The following MAML1 variants were observed in gnomAD, a reference collection of about 807,000 sequenced individuals.
The protein encoded by MAML1 is mastermind-like protein 1.
In MAML1, 14 loss-of-function variants were observed where a neutral mutation model predicts 77.1. The ratio of observed to expected loss-of-function variants is 0.18; its 90% confidence interval spans 0.12 to 0.28. The LOEUF is 0.28. MAML1 is among the 10% of genes least tolerant of loss of function. The pLI is 1.00. For missense variants in MAML1, 1,217 were observed against 1,327.8 expected (o/e 0.92, Z 1.30); for synonymous variants, 516 against 551.9 (o/e 0.93, Z 0.91).
rs369971517 is a variant in MAML1, at chr5:179,764,108, C to T, written c.316-1218C>T. On this transcript the variant is annotated intron_variant, in intron 1 of 4. Transcript: ENST00000292599. ...TTCTGACATGTTCTTATCTTGAAATCGCCGCCCCTGAACTCCCAGGGTACT... is the reference window on the plus strand; with the variant it reads ...TTCTGACATGTTCTTATCTTGAAATTGCCGCCCCTGAACTCCCAGGGTACT... Among the ~76,000 whole-genome samples the T allele has an allele frequency of 7.2e-5, 11 of 152,152 alleles. No homozygotes were observed. In the South Asian group the frequency reaches 2.1e-3, roughly 29 times the overall value.
chr5:179,770,962 T>G, intron 3 of MAML1, 185 bp from the exon 4 acceptor site: 1 of 538,536 alleles, frequency 1.9e-6, no homozygotes, highest in South Asian at 2.2e-5. Flanking sequence ...TTTAAAAAAG[T>G]CATTGCTCCC....
intron 1 of MAML1, among the ~76,000 whole-genome samples, chr5:179,747,454 A>G (rs1005880976): frequency 6.6e-6 from 1 of 152,202 alleles, no homozygotes; most frequent in Non-Finnish European, 1.5e-5. Context: ...AATGTCCATC[A>G]CAGATGAATG....
intron 1 of MAML1, among the ~76,000 whole-genome samples, chr5:179,742,864 G>A (rs1581925188): frequency 6.6e-6 from 1 of 152,092 alleles, no homozygotes; most frequent in Admixed American, 6.6e-5. Context: ...ATGAAGACAT[G>A]AGCTCTTATC....
intron 4 of MAML1, among the ~76,000 whole-genome samples, chr5:179,773,022 C>T (rs1168350714): frequency 6.6e-6 from 1 of 152,236 alleles, no homozygotes; most frequent in African/African-American, 2.4e-5. Flanking sequence ...TCCCGAGTAG[C>T]TGGGGGCGCG....
chr5:179,740,385 C>T (rs1779258845), intron 1 of MAML1, among the ~76,000 whole-genome samples: 1 of 152,146 alleles, frequency 6.6e-6, no homozygotes, highest in Admixed American at 6.5e-5. Context: ...ATTTTCCTGC[C>T]TCAGCCTCCC....
intron 1 of MAML1, among the ~76,000 whole-genome samples, chr5:179,752,784 A>AT (rs946240713): frequency 4.1e-5 from 6 of 146,094 alleles, no homozygotes; most frequent in East Asian, 2.0e-4. Flanking sequence ...ATTTTATTTT[A>AT]TTTTTTTGAG....
intron 1 of MAML1, among the ~76,000 whole-genome samples, chr5:179,753,208 TGTGTGTGTGTGTGTGCGCGCGCGC>T (rs1223400582): frequency 1.7e-5 from 2 of 119,550 alleles, no homozygotes; most frequent in Non-Finnish European, 3.8e-5. Context: ...TGTGTGTGTG[TGTGTGTGTGTGTGTGCGCGCGCGC>T]GCGCGCGTGC....
chr5:179,753,220 T>TGCGC (rs1554150271), intron 1 of MAML1, among the ~76,000 whole-genome samples: 3 of 37,814 alleles, frequency 7.9e-5, no homozygotes, highest in Admixed American at 2.5e-4. Flanking sequence ...TGTGTGTGTG[T>TGCGC]GTGCGCGCGC....
Position 179,771,276 on chromosome 5 carries a change from G to T in MAML1, c.2068+33G>T. On this transcript the variant is annotated intron_variant, in intron 4 of 4. Transcript: ENST00000292599. The surrounding 1 kb of genome is among the most constrained non-coding windows in gnomAD (Gnocchi z 4.7). ...GTGTCTGTGTGACGAGCAGGGACAGGGGAGGCCGCTGCCTGGTGCTGGTTG... is the reference window on the plus strand; with the variant it reads ...GTGTCTGTGTGACGAGCAGGGACAGTGGAGGCCGCTGCCTGGTGCTGGTTG... The T allele has an allele frequency of 6.3e-7, 1 of 1,575,266 alleles. No homozygotes were observed. The highest frequency in any genetic ancestry group is 8.7e-7 in the Non-Finnish European group (1 of 1,144,708).
intron 1 of MAML1, among the ~76,000 whole-genome samples, chr5:179,747,615 C>T (rs910575419): frequency 2.0e-5 from 3 of 152,170 alleles, no homozygotes; most frequent in Non-Finnish European, 2.9e-5. Flanking sequence ...TCGAGACCAT[C>T]TTGGCTAACA....
At position 179,774,487 on chromosome 5, in the gene MAML1, C is replaced by G. The variant is rs368345217; in HGVS notation, c.2661C>G (p.Asn887Lys). Reference sequence around the variant, plus strand: ...CGCAATTCTCCCAGGCAGTGCCCAACAGGCCCATGGCTCCCATGAGCTCAG... The same window carrying G: ...CGCAATTCTCCCAGGCAGTGCCCAAGAGGCCCATGGCTCCCATGAGCTCAG... ...SSPQFSQAVP[N>K]RPMAPMSSAA... Residue 887 changes from asparagine (N) to lysine (K), a missense_variant, in exon 5 of 5, where the codon AAC becomes AAG. Physicochemically the swap from Asn to Lys is moderately conservative, Grantham distance 94. Transcript: ENST00000292599. The G allele has an allele frequency of 8.1e-6, 13 of 1,613,326 alleles. No homozygotes were observed. The highest frequency in any genetic ancestry group is 1.1e-5 in the Non-Finnish European group (13 of 1,180,034).
intron 1 of MAML1, among the ~76,000 whole-genome samples, chr5:179,736,493 C>G (rs1220559990): frequency 2.0e-5 from 3 of 151,972 alleles, no homozygotes; most frequent in African/African-American, 7.2e-5. Context: ...CCTTGTGATC[C>G]TCCCGCACTG....
intron 1 of MAML1, among the ~76,000 whole-genome samples, chr5:179,748,631 TA>T (rs1779428031): frequency 6.6e-6 from 1 of 152,244 alleles, no homozygotes; most frequent in African/African-American, 2.4e-5. Context: ...ACCTATAAAA[TA>T]GTTGATAACA....
In MAML1 at chr5:179,765,524, G is replaced by A. The variant is rs774727873; in HGVS notation, c.514G>A (p.Ala172Thr). The change falls in exon 2 of 5, where the codon GCC becomes ACC. Residue 172 changes from alanine to threonine, a missense_variant. Physicochemically the swap from Ala to Thr is moderately conservative, Grantham distance 58. Around this residue, in one of 3 missense-constraint regions of MAML1, gnomAD observed 312 missense variants for 331.4 expected, o/e 0.94. Transcript: ENST00000292599. ...GTCTGACAAGCCTTCTGGAGCCGAC[G>A]CCCTGCAGTCCAGTGGGAAGCACTC... ...GQSDKPSGAD[A>T]LQSSGKHSLG... is the part of the protein sequence containing the mutation. 10 of 1,614,006 alleles carry A rather than the reference G, an allele frequency of 6.2e-6. No homozygotes were observed. In the East Asian group the frequency reaches 8.9e-5, roughly 14 times the overall value.
chr5:179,743,364 CT>C (rs1187480234), intron 1 of MAML1, among the ~76,000 whole-genome samples: 1,933 of 91,746 alleles, frequency 0.021, 41 homozygotes, highest in African/African-American at 0.065. Context: ...CTGCCCCACG[CT>C]TTTTTTTTTT....
chr5:179,771,090 T>C lies in MAML1; in HGVS notation c.1972-57T>C. ...CTTTTCTCTGACCTCCCTCACTCCC[T>C]TTGTTTTGGATTTTGTTATATGTTG... On this transcript the variant is annotated intron_variant, in intron 3 of 4. Transcript: ENST00000292599. This position sits in a 1 kb window ranked among gnomAD's most constrained non-coding sequence, Gnocchi z 4.7. 2 of 1,387,036 alleles carry C rather than the reference T, an allele frequency of 1.4e-6. No individual in the cohort carries two copies. Among genetic ancestry groups the C allele is most frequent in the Non-Finnish European group, 2.1e-6 (2 of 973,562 alleles). The allele number at this position is 1,387,036 out of a possible 1,614,324, so 85.9% of individuals were successfully genotyped here. A position where few individuals can be genotyped will look rare whatever the true frequency, so the allele number is the denominator to read the frequency against.
chr5:179,771,321 G>A lies in MAML1; in HGVS notation c.2068+78G>A. 8.0e-7 allele frequency: 1 copy of A among 1,253,574 alleles called. No homozygotes were observed. The highest frequency in any genetic ancestry group is 1.2e-6 in the Non-Finnish European group (1 of 856,238). 77.7% of individuals were successfully genotyped at this position (1,253,574 alleles called of 1,614,324 possible). On this transcript the variant is annotated intron_variant, in intron 4 of 4. Coordinates refer to ENST00000292599, the MANE Select transcript of MAML1 (RefSeq NM_014757.5). The surrounding 1 kb of genome is among the most constrained non-coding windows in gnomAD (Gnocchi z 4.7). The stretch of plus-strand genomic sequence containing the variant: ...TGGTTGAATCCCTGCTGTCTGCCCA[G>A]CTCTATGCCTTGACTTCATCAGGCT...
rs1471657295 is a variant in MAML1 at position 179,733,295 on chromosome 5, G to A, written c.183G>A (p.Gln61=). ...LERQHTFALH[Q]RCIQAKAKRA... is the part of the protein sequence containing the mutation. ...GCCAACACACCTTCGCCCTGCACCA[G>A]CGCTGCATCCAGGCCAAGGCCAAGC... is the stretch of plus-strand genomic sequence containing the variant. Residue 61 remains glutamine (Q), a synonymous_variant, in exon 1 of 5, where the codon CAG becomes CAA. Transcript: ENST00000292599. The A allele has an allele frequency of 1.2e-5, 18 of 1,449,764 alleles. No homozygotes were observed. The highest frequency in any genetic ancestry group is 1.5e-5 in the Non-Finnish European group (17 of 1,101,540). The allele number at this position is 1,449,764 out of a possible 1,614,324, so 89.8% of individuals were successfully genotyped here.
At chr5:179,754,474 G>A (rs1779572200) in intron 1 of MAML1, among the ~76,000 whole-genome samples, 3 of 152,014 alleles carry the variant, frequency 2.0e-5, no homozygotes, top group African/African-American at 7.2e-5. Flanking sequence ...CATGCCTGTA[G>A]TGCTAGCTAC....
Sources: allele counts gnomAD v4.1 joint callset (sites outside exome capture counted in the v4.1 genomes callset), GRCh38; gene constraint gnomAD v4.1.1; regional missense constraint gnomAD v4.1.1; non-coding constraint Gnocchi (gnomAD v3.1); transcripts MANE v1.5; gene names NCBI Gene and HGNC (gene_info 2026-07-23, HGNC 2026-07-21).